UGT1A10: variants seen among roughly 807,000 people sequenced by gnomAD.
The protein encoded by UGT1A10 is UDP-glucuronosyltransferase 1A10.
Under a neutral mutation model 45.8 loss-of-function variants are expected in UGT1A10, and 49 were observed. That is an observed-to-expected ratio of 1.07 (90% CI 0.85 to 1.36). The LOEUF (loss-of-function observed/expected upper bound fraction) is 1.36. Ranked by LOEUF, UGT1A10 falls within the 40% of genes most tolerant of loss-of-function variation. The pLI, the probability that UGT1A10 is intolerant of heterozygous loss-of-function variation, is 0.00. For missense variants in UGT1A10, 745 were observed against 668.6 expected, an observed-to-expected ratio of 1.11 and a Z score of -1.26; for synonymous variants, 284 against 249.7, an observed-to-expected ratio of 1.14 and a Z score of -1.29.
rs767124144 is a variant in UGT1A10, at chr2:233,672,270, A to G, written c.855+34893A>G. 6 of 1,614,000 alleles carry G rather than the reference A, an allele frequency of 3.7e-6. No individual in the cohort carries two copies. In the African/African-American group the frequency reaches 8.0e-5, roughly 22 times the overall value. On this transcript the variant is annotated intron_variant, in intron 1 of 4. Coordinates refer to ENST00000344644, the MANE Select transcript of UGT1A10 (RefSeq NM_019075.4). ...GTATATATTCTCTATTAATGGGTTC[A>G]TACAATGACATTTTTGACTTATTTT...
intron 1 of UGT1A10, among the ~76,000 whole-genome samples, chr2:233,704,802 A>G (rs2075807497): frequency 6.6e-6 from 1 of 152,142 alleles, no homozygotes; most frequent in Non-Finnish European, 1.5e-5. Context: ...ATAATTATAT[A>G]TATGTATATT....
At chr2:233,772,075 T>C (rs1032984731) in intron 4 of UGT1A10, among the ~76,000 whole-genome samples, 187 bp from the exon 5 acceptor site, 85 of 152,270 alleles carry the variant, frequency 5.6e-4, no homozygotes, top group Non-Finnish European at 1.0e-3. Flanking sequence ...CTTGTGCCAC[T>C]ACACTCCAGC....
chr2:233,691,862 A>G (rs1473009985), intron 1 of UGT1A10: 1 of 157,276 alleles, frequency 6.4e-6, no homozygotes, highest in African/African-American at 2.4e-5. Context: ...GATGTATAAT[A>G]AGAAATATAT....
At chr2:233,690,379 A>G (rs1457106396) in intron 1 of UGT1A10, 1 of 968,960 alleles carries the variant, frequency 1.0e-6, no homozygotes, top group African/African-American at 1.7e-5. Flanking sequence ...CATAGGGTCC[A>G]CGTTTCCAGA....
chr2:233,690,820 G>A, intron 1 of UGT1A10: 1 of 1,067,652 alleles, frequency 9.4e-7, no homozygotes, highest in Non-Finnish European at 1.1e-6. Context: ...TACAGTCAAA[G>A]CTCACAGGAG....
chr2:233,737,372 G>T (rs992613847), intron 1 of UGT1A10, among the ~76,000 whole-genome samples: 12 of 152,258 alleles, frequency 7.9e-5, no homozygotes, highest in African/African-American at 2.7e-4. Flanking sequence ...CCAGGCAGGG[G>T]AGAGAATCTC....
chr2:233,739,980 C>T (rs1169628941), intron 1 of UGT1A10, among the ~76,000 whole-genome samples: 1 of 151,792 alleles, frequency 6.6e-6, no homozygotes, highest in Non-Finnish European at 1.5e-5. Flanking sequence ...GGCAGTTTTC[C>T]CCATGCTGTT....
chr2:233,754,383 A>G (rs1695465574), intron 1 of UGT1A10: 2 of 292,680 alleles, frequency 6.8e-6, no homozygotes, highest in South Asian at 6.9e-5. Flanking sequence ...AAAGACAAAC[A>G]GAGGTCCTAT....
At chr2:233,693,535 C>T in intron 1 of UGT1A10, 1 of 1,614,120 alleles carries the variant, frequency 6.2e-7, no homozygotes, top group Non-Finnish European at 8.5e-7. Flanking sequence ...TTCCGTGTTC[C>T]CTGGAGCATA....
intron 1 of UGT1A10, among the ~76,000 whole-genome samples, chr2:233,698,795 G>A (rs1041135412): frequency 5.3e-5 from 8 of 152,198 alleles, no homozygotes; most frequent in African/African-American, 1.7e-4. Flanking sequence ...GGTAACCTCT[G>A]GGCTCCCAGC....
At chr2:233,763,481 G>T (rs1698320129) in intron 1 of UGT1A10, among the ~76,000 whole-genome samples, 1 of 152,170 alleles carries the variant, frequency 6.6e-6, no homozygotes, top group Non-Finnish European at 1.5e-5. Context: ...AGATTTGATT[G>T]TAACTCTCTC....
chr2:233,703,454 C>T (rs1254325924), intron 1 of UGT1A10, among the ~76,000 whole-genome samples: 1 of 151,444 alleles, frequency 6.6e-6, no homozygotes, highest in Non-Finnish European at 1.5e-5. Flanking sequence ...GTTAATTTCC[C>T]CTCTATTCTT....
At chr2:233,734,165 TG>T (rs2078494496) in intron 1 of UGT1A10, among the ~76,000 whole-genome samples, 1 of 152,186 alleles carries the variant, frequency 6.6e-6, no homozygotes, top group African/African-American at 2.4e-5. Context: ...GGACTTTTTT[TG>T]GTTGGTAGGC....
chr2:233,702,376 T>C (rs574692648), intron 1 of UGT1A10, among the ~76,000 whole-genome samples: 5 of 152,300 alleles, frequency 3.3e-5, no homozygotes, highest in African/African-American at 1.2e-4. Flanking sequence ...TTCGTAGGAT[T>C]TTCTACATTC....
intron 1 of UGT1A10, among the ~76,000 whole-genome samples, chr2:233,670,467 G>T (rs2074160536): frequency 6.6e-6 from 1 of 152,190 alleles, no homozygotes. Context: ...TTCATGGAAG[G>T]GTTTGTGTTG....
intron 1 of UGT1A10, among the ~76,000 whole-genome samples, chr2:233,712,058 A>T (rs1188921458): frequency 6.6e-6 from 1 of 152,228 alleles, no homozygotes; most frequent in African/African-American, 2.4e-5. Context: ...GCCTGACCAT[A>T]ATCTTCAGGA....
At chr2:233,661,692 G>T in intron 1 of UGT1A10, among the ~76,000 whole-genome samples, 1 of 47,602 alleles carries the variant, frequency 2.1e-5, no homozygotes, top group Admixed American at 2.0e-4. Context: ...TTTAAACAAA[G>T]GTCCTTATCT....
chr2:233,639,340 C>T (rs1397002628), intron 1 of UGT1A10, among the ~76,000 whole-genome samples: 1 of 152,164 alleles, frequency 6.6e-6, no homozygotes, highest in African/African-American at 2.4e-5. Context: ...GCAGAATTCT[C>T]ACAGAGGAAT....
chr2:233,688,897 T>C (rs1387591084), intron 1 of UGT1A10, among the ~76,000 whole-genome samples: 2 of 151,874 alleles, frequency 1.3e-5, no homozygotes, highest in Non-Finnish European at 1.5e-5. Flanking sequence ...TTGGGAGAAG[T>C]TGGGGGGATG....
Sources: gnomAD v4.1 joint callset for allele counts (sites outside exome capture counted in the v4.1 genomes callset) on GRCh38, gnomAD v4.1.1 for gene constraint, MANE v1.5 for transcripts, NCBI Gene and HGNC (gene_info 2026-07-23, HGNC 2026-07-21) for gene names.